Variants in PTPRN2 observed in about 807,000 individuals in gnomAD.
PTPRN2 encodes protein tyrosine phosphatase receptor type N2, also known as receptor-type tyrosine-protein phosphatase N2.
A neutral mutation model predicts 118.8 loss-of-function variants in PTPRN2; 74 were observed. The ratio of observed to expected loss-of-function variants is 0.62; its 90% CI spans 0.52 to 0.76. The LOEUF is 0.76. Among genes scored for constraint, PTPRN2 ranks in the 30% least tolerant of loss-of-function variants. PTPRN2 has a pLI of 0.00. For missense variants in PTPRN2, 1,481 were observed against 1,394.4 expected (o/e 1.06, Z -0.99); for synonymous variants, 641 against 608.0 (o/e 1.05, Z -0.80).
chr7:157,753,252 G>A (rs1801588467), intron 12 of PTPRN2, among the ~76,000 whole-genome samples: 1 of 152,162 alleles, frequency 6.6e-6, no homozygotes, highest in African/African-American at 2.4e-5. Flanking sequence ...CTGCTGTGCT[G>A]TGGGAGGAGA....
intron 5 of PTPRN2, among the ~76,000 whole-genome samples, chr7:158,172,066 T>G (rs1395238538): frequency 6.6e-6 from 1 of 152,180 alleles, no homozygotes; most frequent in Non-Finnish European, 1.5e-5. Flanking sequence ...TGACATGATA[T>G]TCTACTGGGA....
At position 157,964,964 on chromosome 7, in the gene PTPRN2, G is replaced by C. The variant is rs188077130; in HGVS notation, c.1724-66227C>G. On this transcript the variant is annotated intron_variant, in intron 11 of 22. Transcript: ENST00000389418. This position sits in a 1 kb window ranked among gnomAD's most constrained non-coding sequence, Gnocchi z 9.0. ...ACCTTTGGGAGTGAGTGTCAGTGCCGTAGCGGAACACAGGGATCTGAGGCA... is the reference window on the plus strand; with the variant it reads ...ACCTTTGGGAGTGAGTGTCAGTGCCCTAGCGGAACACAGGGATCTGAGGCA... 2.0e-4 allele frequency among the ~76,000 whole-genome samples: 30 copies of C among 152,334 alleles called. No individual in the cohort carries two copies. The highest frequency in any genetic ancestry group is 2.9e-4 in the African/African-American group (12 of 41,570).
In PTPRN2 at chr7:157,609,580, G is replaced by A. The variant is rs1429751213; in HGVS notation, c.2345-5505C>T. 3.3e-5 allele frequency among the ~76,000 whole-genome samples: 5 copies of A among 152,094 alleles called. No homozygotes were observed. Among genetic ancestry groups the A allele is most frequent in the Non-Finnish European group, 5.9e-5 (4 of 68,026 alleles). ...AGGATGGAACGATTCACGTGGCCAC[G>A]GCCTCGTGGTCCACAGGGGAGCACA... On this transcript the variant is annotated intron_variant, in intron 15 of 22. Coordinates refer to ENST00000389418, the MANE Select transcript of PTPRN2 (RefSeq NM_002847.5). The surrounding 1 kb of genome is among the most constrained non-coding windows in gnomAD (Gnocchi z 4.9).
chr7:158,332,447 C>T (rs1307840814), intron 2 of PTPRN2, among the ~76,000 whole-genome samples: 3 of 150,202 alleles, frequency 2.0e-5, no homozygotes, highest in Non-Finnish European at 3.0e-5. Flanking sequence ...TCACTCACAC[C>T]CACACTCTCA....
At position 158,526,141 on chromosome 7, in the gene PTPRN2, G is replaced by A. The variant is rs930573745; in HGVS notation, c.113-36356C>T. 2.6e-5 allele frequency among the ~76,000 whole-genome samples: 4 copies of A among 152,294 alleles called. No homozygotes were observed. Among genetic ancestry groups the A allele is most frequent in the South Asian group, 2.1e-4 (1 of 4,828 alleles). Reference sequence around the variant, plus strand: ...CTTCCTACAGCTTCTGAAAGGGCCCGCTCTGGGGGGAGCCACATCAGGCAG... The same window carrying A: ...CTTCCTACAGCTTCTGAAAGGGCCCACTCTGGGGGGAGCCACATCAGGCAG... On this transcript the variant is annotated intron_variant, in intron 1 of 22. Coordinates refer to ENST00000389418, the MANE Select transcript of PTPRN2 (RefSeq NM_002847.5). This position sits in a 1 kb window ranked among gnomAD's most constrained non-coding sequence, Gnocchi z 5.2.
intron 2 of PTPRN2, among the ~76,000 whole-genome samples, chr7:158,441,701 G>GTCA (rs1817279756): frequency 7.8e-6 from 1 of 128,254 alleles, no homozygotes; most frequent in Non-Finnish European, 1.7e-5. Context: ...GATGGCAATG[G>GTCA]TGGCAGTGGT....
chr7:157,970,177 G>A (rs1038538406), intron 11 of PTPRN2, among the ~76,000 whole-genome samples: 3 of 152,168 alleles, frequency 2.0e-5, no homozygotes, highest in Admixed American at 2.0e-4. Context: ...CCACACTGTT[G>A]GAAATAATAA....
chr7:157,874,937 T>A lies in PTPRN2; in HGVS notation c.1788+23736A>T, dbSNP rs1333289754. ...CTCATGCACATACACAGAGAAACAC[T>A]TGTGCACGGAGACACACTTGTGCAC... On this transcript the variant is annotated intron_variant, in intron 12 of 22. Coordinates refer to ENST00000389418, the MANE Select transcript of PTPRN2 (RefSeq NM_002847.5). This position sits in a 1 kb window ranked among gnomAD's most constrained non-coding sequence, Gnocchi z 5.8. Among the ~76,000 whole-genome samples, 1 of 149,774 alleles carries A rather than the reference T, an allele frequency of 6.7e-6. No homozygotes were observed. Among genetic ancestry groups the A allele is most frequent in the Non-Finnish European group, 1.5e-5 (1 of 67,622 alleles).
intron 11 of PTPRN2, among the ~76,000 whole-genome samples, chr7:158,004,304 C>T (rs1805495692): frequency 6.6e-6 from 1 of 152,170 alleles, no homozygotes; most frequent in Non-Finnish European, 1.5e-5. Context: ...CTCAGAGCTA[C>T]CCTCAATGGC....
chr7:157,754,164 G>A (rs1426317447), intron 12 of PTPRN2, among the ~76,000 whole-genome samples: 5 of 152,352 alleles, frequency 3.3e-5, no homozygotes, highest in South Asian at 2.1e-4. Flanking sequence ...GGCCTGGTGC[G>A]GGCCCTTCCC....
intron 3 of PTPRN2, among the ~76,000 whole-genome samples, chr7:158,234,629 G>C (rs1316227777): frequency 6.6e-6 from 1 of 152,144 alleles, no homozygotes; most frequent in Non-Finnish European, 1.5e-5. Context: ...AACAGGTATA[G>C]TCATCAAATA....
At chr7:158,169,500 C>T (rs1399685733) in intron 5 of PTPRN2, among the ~76,000 whole-genome samples, 1 of 151,256 alleles carries the variant, frequency 6.6e-6, no homozygotes, top group African/African-American at 2.4e-5. Flanking sequence ...AGGCTGGTCT[C>T]AAACTCCTGG....
At chr7:158,524,441 A>G (rs1227801616) in intron 1 of PTPRN2, among the ~76,000 whole-genome samples, 14 of 58,572 alleles carry the variant, frequency 2.4e-4, no homozygotes, top group South Asian at 9.7e-4. Flanking sequence ...GGAGTCGTCT[A>G]CCCTGGAGCG....
intron 12 of PTPRN2, among the ~76,000 whole-genome samples, chr7:157,894,015 G>C (rs1584966569): frequency 6.6e-6 from 1 of 152,212 alleles, no homozygotes. Context: ...ACCTGGAATG[G>C]GAGCTCGTGA....
At chr7:158,277,594 T>G (rs1256555005) in intron 3 of PTPRN2, among the ~76,000 whole-genome samples, 2 of 152,170 alleles carry the variant, frequency 1.3e-5, no homozygotes, top group Non-Finnish European at 2.9e-5. Flanking sequence ...AAGCACCCCT[T>G]GAAGGCACTG....
At chr7:157,814,434 A>G (rs1806257347) in intron 12 of PTPRN2, among the ~76,000 whole-genome samples, 1 of 150,782 alleles carries the variant, frequency 6.6e-6, no homozygotes, top group South Asian at 2.1e-4. Flanking sequence ...GACATGGGGC[A>G]GGACGGGAGC....
intron 9 of PTPRN2, among the ~76,000 whole-genome samples, chr7:158,124,042 G>A (rs751733723): frequency 4.6e-5 from 7 of 152,158 alleles, no homozygotes; most frequent in South Asian, 2.1e-4. Flanking sequence ...CTCAGATCCC[G>A]TGCCGACATG....
intron 11 of PTPRN2, among the ~76,000 whole-genome samples, chr7:158,020,822 T>C (rs1274238736): frequency 6.6e-6 from 1 of 152,188 alleles, no homozygotes; most frequent in Non-Finnish European, 1.5e-5. Context: ...GGAAGAAGCC[T>C]GAGCCACTGG....
rs143939066 is a variant in PTPRN2, at chr7:158,166,912, C to T, written c.910+19G>A. ...GAGGACAGTCAGCAAACAAGAAACA[C>T]CAAGCGGGGCTGGCTCACCATCGCC... On this transcript the variant is annotated intron_variant, in intron 6 of 22. Transcript: ENST00000389418. 3.2e-5 allele frequency: 46 copies of T among 1,420,152 alleles called. No individual in the cohort carries two copies. The highest frequency in any genetic ancestry group is 3.8e-5 in the Non-Finnish European group (41 of 1,081,944). The allele number at this position is 1,420,152 out of a possible 1,614,324, so 88.0% of individuals were successfully genotyped here. A position where few individuals can be genotyped will look rare whatever the true frequency, so the allele number is the denominator to read the frequency against.
Sources: allele counts gnomAD v4.1 joint callset (sites outside exome capture counted in the v4.1 genomes callset), GRCh38; gene constraint gnomAD v4.1.1; non-coding constraint Gnocchi (gnomAD v3.1); transcripts MANE v1.5; gene names NCBI Gene and HGNC (gene_info 2026-07-23, HGNC 2026-07-21).